The following CSMD3 variants were observed in gnomAD, a reference collection of about 807,000 sequenced individuals.
CSMD3 encodes the protein CUB and Sushi multiple domains 3.
CSMD3 carries 177 observed loss-of-function variants against 435.2 expected under a neutral mutation model. That is an observed-to-expected ratio of 0.41 (90% CI 0.36 to 0.46). The LOEUF is 0.46. Among genes scored for constraint, CSMD3 ranks in the 20% least tolerant of loss-of-function variants. The probability of loss-of-function intolerance (pLI) is 0.34; values close to 1 mark genes in which losing one functional copy is unlikely to be tolerated. For missense variants in CSMD3, 4,265 were observed against 4,504.6 expected (o/e 0.95, Z 1.52); for synonymous variants, 1,656 against 1,520.5 (o/e 1.09, Z -2.07).
At chr8:112,346,771 C>G (rs1825719154) in intron 40 of CSMD3, among the ~76,000 whole-genome samples, 1 of 148,262 alleles carries the variant, frequency 6.7e-6, no homozygotes, top group African/African-American at 2.5e-5. Flanking sequence ...CTCCGCCTCC[C>G]GGGTTCACGC....
chr8:112,944,935 A>G (rs1364432280), intron 9 of CSMD3, among the ~76,000 whole-genome samples: 1 of 151,700 alleles, frequency 6.6e-6, no homozygotes, highest in African/African-American at 2.4e-5. Context: ...GATGTTTAAC[A>G]TTTTTATAAT....
At chr8:113,406,309 G>T (rs1248315819) in intron 1 of CSMD3, among the ~76,000 whole-genome samples, 1 of 151,726 alleles carries the variant, frequency 6.6e-6, no homozygotes, top group Non-Finnish European at 1.5e-5. Context: ...GATAGATTTG[G>T]GGGAACCATG....
intron 1 of CSMD3, among the ~76,000 whole-genome samples, chr8:113,315,078 T>C (rs1004805240): frequency 1.3e-4 from 20 of 152,290 alleles, no homozygotes; most frequent in African/African-American, 4.8e-4. Flanking sequence ...CATTACAGGT[T>C]CCTATAGACA....
intron 3 of CSMD3, among the ~76,000 whole-genome samples, chr8:113,203,271 A>C (rs2092733305): frequency 6.6e-6 from 1 of 152,018 alleles, no homozygotes; most frequent in Admixed American, 6.6e-5. Context: ...TTAAATTTTT[A>C]AAATGTGTTT....
At chr8:113,111,032 T>C (rs2131595834) in intron 4 of CSMD3, among the ~76,000 whole-genome samples, 1 of 152,226 alleles carries the variant, frequency 6.6e-6, no homozygotes, top group East Asian at 1.9e-4. Flanking sequence ...CCTCAAGACC[T>C]AATCACCTCC....
chr8:112,752,704 A>G (rs990649123), intron 13 of CSMD3, among the ~76,000 whole-genome samples: 1 of 152,204 alleles, frequency 6.6e-6, no homozygotes, highest in Non-Finnish European at 1.5e-5. Flanking sequence ...GAAAGACAAT[A>G]TGAGTAAGAT....
chr8:113,144,904 G>T (rs1474647963), intron 4 of CSMD3, among the ~76,000 whole-genome samples: 1 of 151,518 alleles, frequency 6.6e-6, no homozygotes, highest in Non-Finnish European at 1.5e-5. Flanking sequence ...TATAAAGATT[G>T]TGAGAAACAA....
At position 112,224,701 on chromosome 8, in the gene CSMD3, G is replaced by T. The variant is rs920754872; in HGVS notation, c.*70C>A. 1.7e-5 allele frequency: 25 copies of T among 1,457,808 alleles called. No homozygotes were observed. Among genetic ancestry groups the T allele is most frequent in the Non-Finnish European group, 2.4e-5 (25 of 1,037,698 alleles). The allele number at this position is 1,457,808 out of a possible 1,614,324, so 90.3% of individuals were successfully genotyped here. ...TGAAAAGTGTGCTTTAATTTGTTTA[G>T]CAGTGAACTAAATGTGCACTGTTTT... On this transcript the variant is annotated 3_prime_UTR_variant, in exon 71 of 71. Coordinates refer to ENST00000297405, the MANE Select transcript of CSMD3 (RefSeq NM_198123.2).
intron 13 of CSMD3, among the ~76,000 whole-genome samples, chr8:112,749,776 C>T (rs536380577): frequency 2.6e-5 from 4 of 151,986 alleles, no homozygotes; most frequent in African/African-American, 7.2e-5. Context: ...AATATGAGGA[C>T]GAACATGTCT....
At chr8:113,067,357 AC>A (rs2088904411) in intron 5 of CSMD3, among the ~76,000 whole-genome samples, 2 of 152,114 alleles carry the variant, frequency 1.3e-5, no homozygotes, top group Admixed American at 6.5e-5. Context: ...ATGTCTTCAG[AC>A]TATTCATAAT....
chr8:112,410,332 T>A (rs1172317290), intron 32 of CSMD3, among the ~76,000 whole-genome samples: 4 of 151,322 alleles, frequency 2.6e-5, no homozygotes, highest in Non-Finnish European at 5.9e-5. Flanking sequence ...CCTTAAAATA[T>A]TTCCTAGAAG....
intron 28 of CSMD3, 97 bp from the exon 29 acceptor site, chr8:112,506,926 G>T: frequency 9.2e-7 from 1 of 1,089,934 alleles, no homozygotes; most frequent in Non-Finnish European, 1.4e-6. Context: ...GAGCTTATGA[G>T]GCTTTGTACA....
intron 22 of CSMD3, among the ~76,000 whole-genome samples, chr8:112,632,845 AT>A (rs1004186412): frequency 2.6e-5 from 4 of 151,624 alleles, no homozygotes; most frequent in Non-Finnish European, 4.4e-5. Flanking sequence ...ATTTTACTTT[AT>A]TTTTTTGCTG....
chr8:112,514,379 T>C (rs1823458944), intron 28 of CSMD3, among the ~76,000 whole-genome samples: 1 of 152,230 alleles, frequency 6.6e-6, no homozygotes, highest in South Asian at 2.1e-4. Context: ...TTTGCCCATC[T>C]AACCATAAAG....
At chr8:112,898,437 CT>C (rs1011972355) in intron 10 of CSMD3, among the ~76,000 whole-genome samples, 1 of 151,172 alleles carries the variant, frequency 6.6e-6, no homozygotes, top group East Asian at 2.0e-4. Context: ...GCATAAAAGA[CT>C]TTTGTTAGAT....
intron 59 of CSMD3, among the ~76,000 whole-genome samples, chr8:112,267,959 T>C (rs1036682799): frequency 1.8e-4 from 27 of 152,182 alleles, no homozygotes; most frequent in Non-Finnish European, 2.6e-4. Context: ...TTTTGGTTTT[T>C]TCAGGAAAAA....
At chr8:112,469,841 G>A (rs1818345836) in intron 32 of CSMD3, among the ~76,000 whole-genome samples, 1 of 152,020 alleles carries the variant, frequency 6.6e-6, no homozygotes, top group Admixed American at 6.6e-5. Flanking sequence ...ATCTGTATAT[G>A]AAACATATAG....
chr8:112,536,928 C>T (rs1169530144), intron 27 of CSMD3, among the ~76,000 whole-genome samples: 1 of 151,774 alleles, frequency 6.6e-6, no homozygotes, highest in Non-Finnish European at 1.5e-5. Flanking sequence ...AACAAAAAAC[C>T]AAACACCGCA....
chr8:112,788,061 C>T (rs1304613395), intron 13 of CSMD3, among the ~76,000 whole-genome samples: 1 of 151,990 alleles, frequency 6.6e-6, no homozygotes, highest in Non-Finnish European at 1.5e-5. Flanking sequence ...TCTCATTTAT[C>T]CATAAATTTA....
Sources: gnomAD v4.1 joint callset for allele counts (sites outside exome capture counted in the v4.1 genomes callset) on GRCh38, gnomAD v4.1.1 for gene constraint, MANE v1.5 for transcripts, NCBI Gene and HGNC (gene_info 2026-07-23, HGNC 2026-07-21) for gene names.